PCDHA4: variants seen among roughly 807,000 people sequenced by gnomAD.
PCDHA4 encodes the protein protocadherin alpha 4, also known as protocadherin alpha-4.
PCDHA4 carries 49 observed loss-of-function variants against 61.4 expected under a neutral mutation model. The observed-to-expected ratio is 0.80, with a 90% CI of 0.63 to 1.01. The LOEUF is 1.01. PCDHA4 is among the 50% of genes least tolerant of loss of function. The probability of loss-of-function intolerance (pLI) is 0.00; values close to 1 mark genes in which losing one functional copy is unlikely to be tolerated. For synonymous variants in PCDHA4, 590 were observed against 550.3 expected (o/e 1.07, Z -1.01); for missense variants, 1,254 against 1,235.8 (o/e 1.01, Z -0.22).
chr5:140,924,901 A>AAT (rs145282866), intron 1 of PCDHA4, among the ~76,000 whole-genome samples: 9,116 of 79,802 alleles, frequency 0.11, 381 homozygotes, highest in Middle Eastern at 0.21. Context: ...TCTCAAAAAA[A>AAT]AAAATAAAAT....
At chr5:140,829,831 G>C in intron 1 of PCDHA4, 1 of 1,613,918 alleles carries the variant, frequency 6.2e-7, no homozygotes. Flanking sequence ...TGAGCGAGCT[G>C]GTGCCGCGGT....
chr5:140,809,526 G>C lies in PCDHA4; in HGVS notation c.2339G>C (p.Arg780Thr). Residue 780 changes from arginine (R) to threonine (T), a missense_variant, in exon 1 of 4, where the codon AGG (arginine) becomes ACG (threonine). Transcript: ENST00000530339. Reference sequence around the variant, plus strand: ...TTCAGCCCCAGTTTACCTGACTCTAGGGACAGAGAAGATCAGCTGCAGACA... The same window carrying C: ...TTCAGCCCCAGTTTACCTGACTCTACGGACAGAGAAGATCAGCTGCAGACA... The part of the protein sequence containing the change: ...MAFSPSLPDS[R>T]DREDQLQTTE... 1 of 1,614,078 alleles carries C rather than the reference G, an allele frequency of 6.2e-7. No individual in the cohort carries two copies. Among genetic ancestry groups the C allele is most frequent in the Non-Finnish European group, 8.5e-7 (1 of 1,179,966 alleles).
chr5:140,997,713 T>C (rs2097782364), intron 3 of PCDHA4, among the ~76,000 whole-genome samples: 1 of 151,942 alleles, frequency 6.6e-6, no homozygotes, highest in African/African-American at 2.4e-5. Flanking sequence ...AACAAACACC[T>C]TTCTACGTCA....
intron 1 of PCDHA4, chr5:140,828,109 G>C: frequency 1.2e-6 from 2 of 1,611,506 alleles, no homozygotes; most frequent in East Asian, 4.5e-5. Flanking sequence ...TTACCCCGGA[G>C]GATAGATTGG....
intron 1 of PCDHA4, chr5:140,822,726 T>C (rs970673093): frequency 4.1e-5 from 66 of 1,612,616 alleles, no homozygotes; most frequent in Non-Finnish European, 5.4e-5. Context: ...CATATGAAAT[T>C]AATATTGATG....
intron 1 of PCDHA4, chr5:140,863,004 G>A (rs1236967953): frequency 1.8e-6 from 1 of 551,012 alleles, no homozygotes; most frequent in African/African-American, 1.9e-5. Flanking sequence ...GTGGACTCCA[G>A]CTATGACGCC....
chr5:140,881,127 A>G (rs1274793505), intron 1 of PCDHA4, among the ~76,000 whole-genome samples: 1 of 152,234 alleles, frequency 6.6e-6, no homozygotes, highest in Non-Finnish European at 1.5e-5. Context: ...GTGGCTTGGT[A>G]GAGATAGTTA....
At chr5:140,856,907 A>G (rs2044265676) in intron 1 of PCDHA4, 3 of 1,596,440 alleles carry the variant, frequency 1.9e-6, no homozygotes, top group African/African-American at 2.7e-5. Context: ...GGTCCCACCC[A>G]CGATAAGAAG....
intron 1 of PCDHA4, among the ~76,000 whole-genome samples, chr5:140,964,683 G>T (rs2095848322): frequency 6.6e-6 from 1 of 151,914 alleles, no homozygotes; most frequent in South Asian, 2.1e-4. Flanking sequence ...CACAATTTGT[G>T]CACTTGAGAG....
intron 1 of PCDHA4, chr5:140,927,270 C>A (rs541200655): frequency 1.2e-6 from 2 of 1,614,034 alleles, no homozygotes; most frequent in Non-Finnish European, 1.7e-6. Context: ...TCTTTCCTGC[C>A]GGCGACGTGC....
chr5:140,978,994 G>A lies in PCDHA4; in HGVS notation c.2431G>A (p.Ala811Thr). The A allele has an allele frequency of 6.2e-7, 1 of 1,614,152 alleles. No homozygotes were observed. The highest frequency in any genetic ancestry group is 8.5e-7 in the Non-Finnish European group (1 of 1,180,022). The change falls in exon 2 of 4, where the codon GCA (alanine) becomes ACA (threonine). Residue 811 changes from alanine to threonine, a missense_variant. Coordinates refer to ENST00000530339, the MANE Select transcript of PCDHA4 (RefSeq NM_018907.4). ...CTGGCGTTACTCTGCCTCCCTGAGA[G>A]CAGGCATGCACAGGTATGTATTTCC... ...PDWRYSASLR[A>T]GMHSSVHLEE... is the part of the protein sequence containing the mutation.
At chr5:140,849,104 A>G in intron 1 of PCDHA4, 1 of 1,463,110 alleles carries the variant, frequency 6.8e-7, no homozygotes, top group Non-Finnish European at 9.3e-7. Flanking sequence ...TAGACAGAGA[A>G]GAAACTCCGG....
intron 3 of PCDHA4, among the ~76,000 whole-genome samples, chr5:140,986,013 A>C (rs544858025): frequency 6.6e-6 from 1 of 152,298 alleles, no homozygotes; most frequent in Admixed American, 6.5e-5. Flanking sequence ...TGCTGGGATT[A>C]CAGGCGTGAG....
chr5:140,895,822 T>A (rs1353175200), intron 1 of PCDHA4, among the ~76,000 whole-genome samples: 1 of 152,084 alleles, frequency 6.6e-6, no homozygotes, highest in Non-Finnish European at 1.5e-5. Context: ...TTGTATTGTA[T>A]TTTTTTCAGA....
chr5:140,972,350 A>G (rs897251940), intron 1 of PCDHA4, among the ~76,000 whole-genome samples: 3 of 150,008 alleles, frequency 2.0e-5, no homozygotes, highest in Admixed American at 1.3e-4. Flanking sequence ...GGGTCTCACT[A>G]TGTTGCACAT....
At chr5:140,876,597 G>A in intron 1 of PCDHA4, 1 of 1,614,160 alleles carries the variant, frequency 6.2e-7, no homozygotes, top group Non-Finnish European at 8.5e-7. Flanking sequence ...TTAGCGTGTC[G>A]GATCGTGACT....
chr5:140,974,481 A>T (rs1017520033), intron 1 of PCDHA4, among the ~76,000 whole-genome samples: 4 of 152,178 alleles, frequency 2.6e-5, no homozygotes, highest in Non-Finnish European at 5.9e-5. Context: ...TTCCACCCAG[A>T]ATTCTCAAAT....
rs73266040 is a variant in PCDHA4 at position 140,926,675 on chromosome 5, C to G, written c.2386-52274C>G. 1.5e-3 allele frequency: 923 copies of G among 601,544 alleles called. 7 individuals carry two copies. The African/African-American group carries it at 0.016, about 11-fold the overall frequency. The allele number at this position is 601,544 out of a possible 1,614,324, so 37.3% of individuals were successfully genotyped here. ...TCCGCTTTCCCAGACGGCTGCCCAG[C>G]CTCCAGCCTAGCAAGCCCGGCTCCC... On this transcript the variant is annotated intron_variant, in intron 1 of 3. Coordinates refer to ENST00000530339, the MANE Select transcript of PCDHA4 (RefSeq NM_018907.4).
chr5:140,943,270 AAAAAAAAG>A (rs1301290983), intron 1 of PCDHA4, among the ~76,000 whole-genome samples: 4 of 150,618 alleles, frequency 2.7e-5, no homozygotes, highest in African/African-American at 4.9e-5. Context: ...AAAAAAAAAA[AAAAAAAAG>A]AAAGAAAGAA....
Sources: allele counts gnomAD v4.1 joint callset (sites outside exome capture counted in the v4.1 genomes callset), GRCh38; gene constraint gnomAD v4.1.1; transcripts MANE v1.5; gene names NCBI Gene and HGNC (gene_info 2026-07-23, HGNC 2026-07-21).